The following PARVB variants were observed in gnomAD, a reference collection of about 807,000 sequenced individuals.
The protein encoded by PARVB is beta-parvin.
PARVB carries 46 observed loss-of-function variants against 47.0 expected under a neutral mutation model. The ratio of observed to expected loss-of-function variants is 0.98; its 90% CI spans 0.77 to 1.25. The LOEUF (loss-of-function observed/expected upper bound fraction) is 1.25, where lower values mean the gene tolerates loss of function less well. Among genes scored for constraint, PARVB ranks in the 50% most tolerant of loss-of-function variants. The pLI, the probability that PARVB is intolerant of heterozygous loss-of-function variation, is 0.00. For missense variants in PARVB, 473 were observed against 471.6 expected (o/e 1.00, Z -0.03); for synonymous variants, 196 against 196.3 (o/e 1.00, Z 0.01).
At chr22:44,123,503 TC>T (rs1363532695) in intron 4 of PARVB, among the ~76,000 whole-genome samples, 1 of 152,226 alleles carries the variant, frequency 6.6e-6, no homozygotes, top group Non-Finnish European at 1.5e-5. Context: ...AGCTTCCACT[TC>T]CTGGGCTCAG....
intron 2 of PARVB, among the ~76,000 whole-genome samples, chr22:44,099,824 G>A (rs938204170): frequency 1.6e-4 from 25 of 152,180 alleles, no homozygotes; most frequent in Non-Finnish European, 3.7e-4. Context: ...GAGTCTGGGA[G>A]GAGCGAGGCC....
At chr22:44,006,510 A>G (rs189572884) in intron 2 of PARVB, among the ~76,000 whole-genome samples, 144 of 152,314 alleles carry the variant, frequency 9.5e-4, no homozygotes, top group African/African-American at 3.2e-3. Context: ...CTGTAGTCCC[A>G]GCTACTTGGG....
At chr22:44,122,510 G>GAGAGAGAGAGAGAGAC (rs2053074877) in intron 4 of PARVB, among the ~76,000 whole-genome samples, 1 of 91,408 alleles carries the variant, frequency 1.1e-5, no homozygotes, top group African/African-American at 6.5e-5. Flanking sequence ...GAGAGAGAGA[G>GAGAGAGAGAGAGAGAC]AGAGAGAGAC....
In PARVB at chr22:44,132,957, G is replaced by A. The variant is rs755073916; in HGVS notation, c.581G>A (p.Arg194Lys). The change falls in exon 6 of 13, where the codon AGG becomes AAG. Residue 194 changes from arginine to lysine, a missense_variant. Arg to Lys is a conservative substitution (Grantham distance 26). Coordinates refer to ENST00000338758, the MANE Select transcript of PARVB (RefSeq NM_013327.5). ...CTGGTCTCTCTGGCCATGCACTTCAGGGCCCCCATCCGCCTTCCTGAGCAT... is the reference window on the plus strand; with the variant it reads ...CTGGTCTCTCTGGCCATGCACTTCAAGGCCCCCATCCGCCTTCCTGAGCAT... ...HLLVSLAMHF[R>K]APIRLPEHVT... 58 of 1,613,976 alleles carry A rather than the reference G, an allele frequency of 3.6e-5. No homozygotes were observed. The Admixed American group carries it at 9.5e-4, about 26-fold the overall frequency.
chr22:44,033,666 C>T (rs944228763), intron 1 of PARVB, among the ~76,000 whole-genome samples: 2 of 152,210 alleles, frequency 1.3e-5, no homozygotes, highest in Non-Finnish European at 2.9e-5. Context: ...TTTCCCCAAG[C>T]AACGCCATCT....
intron 8 of PARVB, chr22:44,147,565 C>A: frequency 1.9e-6 from 1 of 517,966 alleles, no homozygotes. Flanking sequence ...GTGCAGATGC[C>A]AGATGCCATC....
intron 2 of PARVB, among the ~76,000 whole-genome samples, chr22:44,003,266 G>T (rs1281466160): frequency 6.6e-6 from 1 of 152,178 alleles, no homozygotes. Flanking sequence ...CAATTGCTTT[G>T]ATCTTATTAT....
In PARVB at chr22:44,089,897, G is replaced by T. The variant is rs994454995; in HGVS notation, c.113-4031G>T. Reference sequence around the variant, plus strand: ...TTCCTTAGCCTGGCCATATTTCAAGGCCAGTTCAATTGCTGCCTCCTCCAG... The same window carrying T: ...TTCCTTAGCCTGGCCATATTTCAAGTCCAGTTCAATTGCTGCCTCCTCCAG... On this transcript the variant is annotated intron_variant, in intron 1 of 12. Coordinates refer to ENST00000338758, the MANE Select transcript of PARVB (RefSeq NM_013327.5). The surrounding 1 kb of genome is among the most constrained non-coding windows in gnomAD (Gnocchi z 4.0). 1.3e-5 allele frequency among the ~76,000 whole-genome samples: 2 copies of T among 152,144 alleles called. No individual in the cohort carries two copies. Among genetic ancestry groups the T allele is most frequent in the Non-Finnish European group, 2.9e-5 (2 of 68,040 alleles).
intron 1 of PARVB, among the ~76,000 whole-genome samples, chr22:44,083,631 C>G (rs2051958411): frequency 6.6e-6 from 1 of 151,980 alleles, no homozygotes; most frequent in East Asian, 1.9e-4. Context: ...TGGGGACAGT[C>G]GAGCAGAGGG....
At chr22:44,037,630 G>A (rs2050944780) in intron 1 of PARVB, among the ~76,000 whole-genome samples, 1 of 152,168 alleles carries the variant, frequency 6.6e-6, no homozygotes, top group Non-Finnish European at 1.5e-5. Context: ...GAGGATCGAG[G>A]TCATCCTGCC....
chr22:44,048,362 G>A (rs1390779099), intron 1 of PARVB, among the ~76,000 whole-genome samples: 1 of 152,016 alleles, frequency 6.6e-6, no homozygotes, highest in Non-Finnish European at 1.5e-5. Context: ...TGAACTGAGG[G>A]TAATAATTTC....
At chr22:44,097,128 G>A (rs189517066) in intron 2 of PARVB, among the ~76,000 whole-genome samples, 1 of 151,862 alleles carries the variant, frequency 6.6e-6, no homozygotes, top group East Asian at 2.0e-4. Flanking sequence ...GAGATGGCAT[G>A]GCGGCTGGTG....
intron 2 of PARVB, among the ~76,000 whole-genome samples, chr22:44,008,011 C>T (rs922673125): frequency 2.0e-5 from 3 of 152,180 alleles, no homozygotes; most frequent in Non-Finnish European, 2.9e-5. Flanking sequence ...CATGTATATA[C>T]GCATGCATAC....
intron 10 of PARVB, among the ~76,000 whole-genome samples, chr22:44,156,161 TC>T (rs2053928339): frequency 6.6e-6 from 1 of 151,690 alleles, no homozygotes. Context: ...CTGTCCTGAG[TC>T]CCTTAAGGGA....
intron 1 of PARVB, among the ~76,000 whole-genome samples, chr22:44,088,307 T>G (rs774520678): frequency 1.3e-5 from 2 of 152,120 alleles, no homozygotes; most frequent in African/African-American, 2.4e-5. Context: ...CAGGAGGGCT[T>G]CTTGGAGGAG....
At chr22:44,016,346 T>C (rs944714412) in intron 2 of PARVB, among the ~76,000 whole-genome samples, 1 of 152,100 alleles carries the variant, frequency 6.6e-6, no homozygotes, top group African/African-American at 2.4e-5. Context: ...TCCGCCCGCC[T>C]CAGCCTCCCA....
At chr22:44,066,473 C>T (rs2051525108) in intron 1 of PARVB, among the ~76,000 whole-genome samples, 1 of 152,186 alleles carries the variant, frequency 6.6e-6, no homozygotes, top group Admixed American at 6.5e-5. Context: ...CCCATCATCC[C>T]CATACCTTGT....
chr22:44,072,343 T>C (rs1226941956), intron 1 of PARVB, among the ~76,000 whole-genome samples: 1 of 151,952 alleles, frequency 6.6e-6, no homozygotes, highest in Non-Finnish European at 1.5e-5. Context: ...CCCTTTTGGG[T>C]TGGTAAATTT....
chr22:44,079,967 C>A (rs1016141888), intron 1 of PARVB, among the ~76,000 whole-genome samples: 3 of 152,218 alleles, frequency 2.0e-5, no homozygotes, highest in Non-Finnish European at 2.9e-5. Flanking sequence ...AAGGAGGCAA[C>A]CTCCTCAGAC....
Sources: gnomAD v4.1 joint callset for allele counts (sites outside exome capture counted in the v4.1 genomes callset) on GRCh38, gnomAD v4.1.1 for gene constraint, Gnocchi (gnomAD v3.1) non-coding constraint, MANE v1.5 for transcripts, NCBI Gene and HGNC (gene_info 2026-07-23, HGNC 2026-07-21) for gene names.